The following STX8 variants were observed in gnomAD, a reference collection of about 807,000 sequenced individuals.
The protein encoded by STX8 is syntaxin 8.
Under a neutral mutation model 37.5 loss-of-function variants are expected in STX8, and 23 were observed. The ratio of observed to expected loss-of-function variants is 0.61; its 90% CI spans 0.44 to 0.87. The LOEUF is 0.87. Ranked by LOEUF, STX8 falls within the 40% of genes least tolerant of loss-of-function variation. The probability of loss-of-function intolerance (pLI) is 0.00; values close to 1 mark genes in which losing one functional copy is unlikely to be tolerated. For synonymous variants in STX8, 115 were observed against 99.1 expected (o/e 1.16, Z -0.95); for missense variants, 313 against 284.7 (o/e 1.10, Z -0.71).
In STX8 at chr17:9,450,224, C is replaced by T. The variant is rs1014398328; in HGVS notation, c.541+41605G>A. Among the ~76,000 whole-genome samples the T allele has an allele frequency of 1.0e-4, 15 of 150,428 alleles. 1 individual carries two copies. Among genetic ancestry groups the T allele is most frequent in the South Asian group, 6.3e-4 (3 of 4,738 alleles). On this transcript the variant is annotated intron_variant, in intron 6 of 7. Transcript: ENST00000306357. Reference sequence around the variant, plus strand: ...CCTAGTAGCTGGGAAAACAGGTATGCGCCACCACGCCCGGCTAATTTTTGT... The same window carrying T: ...CCTAGTAGCTGGGAAAACAGGTATGTGCCACCACGCCCGGCTAATTTTTGT...
Position 9,488,326 on chromosome 17 carries a change from T to TA in STX8, c.541+3502dup, listed in dbSNP as rs370708789. Among the ~76,000 whole-genome samples, 554 of 149,180 alleles carry TA rather than the reference T, an allele frequency of 3.7e-3. 9 individuals carry two copies. Among genetic ancestry groups the TA allele is most frequent in the African/African-American group, 0.012 (503 of 40,634 alleles). On this transcript the variant is annotated intron_variant, in intron 6 of 7. Coordinates refer to ENST00000306357, the MANE Select transcript of STX8 (RefSeq NM_004853.3). ...GGGCAACAAGGGCGAAACTCTGTCT[T>TA]AAAAAAAAAAAAATTACTGTGGTAG...
At chr17:9,546,590 G>GTTTTTTTTTTTATTTTTT (rs745424722) in intron 3 of STX8, among the ~76,000 whole-genome samples, 1 of 62,218 alleles carries the variant, frequency 1.6e-5, no homozygotes, top group Non-Finnish European at 3.0e-5. Context: ...CTACAAAAGT[G>GTTTTTTTTTTTATTTTTT]GTTTTTTTTT....
intron 2 of STX8, among the ~76,000 whole-genome samples, chr17:9,560,586 C>A (rs1283193123): frequency 1.3e-5 from 2 of 152,092 alleles, no homozygotes; most frequent in Non-Finnish European, 2.9e-5. Flanking sequence ...ACATAGTTAA[C>A]TGTGCAATAA....
At chr17:9,273,983 G>A (rs549416166) in intron 7 of STX8, among the ~76,000 whole-genome samples, 2 of 152,332 alleles carry the variant, frequency 1.3e-5, no homozygotes, top group South Asian at 4.1e-4. Flanking sequence ...TATAAGATTA[G>A]AATAACTGAA....
At chr17:9,456,172 A>G (rs1905181419) in intron 6 of STX8, among the ~76,000 whole-genome samples, 1 of 151,942 alleles carries the variant, frequency 6.6e-6, no homozygotes, top group Admixed American at 6.6e-5. Flanking sequence ...GAGAATTCCT[A>G]TTTTCCCACG....
chr17:9,494,583 T>A (rs1907015879), intron 5 of STX8, among the ~76,000 whole-genome samples: 1 of 111,732 alleles, frequency 8.9e-6, no homozygotes. Context: ...GCCACTGCAC[T>A]CCAGCCTGGG....
intron 6 of STX8, among the ~76,000 whole-genome samples, chr17:9,398,665 CCT>C (rs1912495093): frequency 6.6e-6 from 1 of 152,028 alleles, no homozygotes; most frequent in Non-Finnish European, 1.5e-5. Flanking sequence ...ATACAGGAAC[CCT>C]CTGTACTATC....
At chr17:9,533,248 ACCGGAGTT>A (rs2142545406) in intron 4 of STX8, among the ~76,000 whole-genome samples, 1 of 152,318 alleles carries the variant, frequency 6.6e-6, no homozygotes, top group Non-Finnish European at 1.5e-5. Flanking sequence ...CAGGTGGATC[ACCGGAGTT>A]CAGGAGTTCA....
chr17:9,319,859 G>A lies in STX8; in HGVS notation c.643+58693C>T, dbSNP rs186161260. On this transcript the variant is annotated intron_variant, in intron 7 of 7. Transcript: ENST00000306357. ...CGAGCTACTCGGGAGGCTGAGACAG[G>A]AGAATCACTTGAACCCAGGGGGCAG... Among the ~76,000 whole-genome samples the A allele has an allele frequency of 4.3e-3, 647 of 151,978 alleles. 6 individuals are homozygous for A. The highest frequency in any genetic ancestry group is 0.015 in the African/African-American group (605 of 41,444).
At chr17:9,443,216 C>G (rs1051501051) in intron 6 of STX8, among the ~76,000 whole-genome samples, 7 of 152,194 alleles carry the variant, frequency 4.6e-5, no homozygotes, top group African/African-American at 1.7e-4. Context: ...GCAACCACCA[C>G]TATTCTTAGG....
At chr17:9,483,914 G>T (rs897550990) in intron 6 of STX8, among the ~76,000 whole-genome samples, 3 of 152,140 alleles carry the variant, frequency 2.0e-5, no homozygotes, top group African/African-American at 7.2e-5. Flanking sequence ...AAAAATAAGA[G>T]CCTGGCCCCC....
At chr17:9,574,357 AT>A (rs1426335831) in intron 1 of STX8, among the ~76,000 whole-genome samples, 1 of 150,670 alleles carries the variant, frequency 6.6e-6, no homozygotes, top group Non-Finnish European at 1.5e-5. Context: ...TATTATATAT[AT>A]ATATAAAAAT....
chr17:9,384,794 T>TTGTGTGTGTGTGTGTGTGTGTGTG (rs59655296), intron 6 of STX8, among the ~76,000 whole-genome samples: 145 of 147,746 alleles, frequency 9.8e-4, no homozygotes, highest in African/African-American at 3.0e-3. Flanking sequence ...CCAGATAGAC[T>TTGTGTGTGTGTGTGTGTGTGTGTG]TGTGTGTGTG....
chr17:9,430,649 CTTTTT>C (rs34803730), intron 6 of STX8, among the ~76,000 whole-genome samples: 4 of 120,898 alleles, frequency 3.3e-5, no homozygotes, highest in Admixed American at 8.8e-5. Context: ...GTGGTTTTGG[CTTTTT>C]TTTTTTTTTT....
chr17:9,454,683 A>G (rs1905137869), intron 6 of STX8, among the ~76,000 whole-genome samples: 1 of 149,012 alleles, frequency 6.7e-6, no homozygotes, highest in Non-Finnish European at 1.5e-5. Flanking sequence ...GTCTCAAAAA[A>G]AAAAAAACAA....
At chr17:9,251,538 A>G (rs78068712) in intron 7 of STX8, among the ~76,000 whole-genome samples, 29,960 of 152,158 alleles carry the variant, frequency 0.2, 2,999 homozygotes, top group African/African-American at 0.25. Flanking sequence ...GCCCCACGAG[A>G]GAGGTGGGTA....
At position 9,485,098 on chromosome 17, in the gene STX8, G is replaced by C. The variant is rs1034258523; in HGVS notation, c.541+6731C>G. ...AAGCCCAGGAATTCAAGTCCAGCCT[G>C]AGCAACATGCCAAGACCTTGTCGCT... On this transcript the variant is annotated intron_variant, in intron 6 of 7. Coordinates refer to ENST00000306357, the MANE Select transcript of STX8 (RefSeq NM_004853.3). Among the ~76,000 whole-genome samples the C allele has an allele frequency of 6.6e-5, 10 of 150,426 alleles. 1 individual carries two copies. The highest frequency in any genetic ancestry group is 1.3e-4 in the Admixed American group (2 of 14,904).
chr17:9,323,769 T>C (rs1232897133), intron 7 of STX8, among the ~76,000 whole-genome samples: 3 of 152,088 alleles, frequency 2.0e-5, no homozygotes, highest in African/African-American at 7.2e-5. Context: ...GTCTTGCTGA[T>C]AGAAGTGGAG....
chr17:9,369,942 C>T (rs150964864), intron 7 of STX8, among the ~76,000 whole-genome samples: 3,750 of 148,330 alleles, frequency 0.025, 173 homozygotes, highest in African/African-American at 0.088. Flanking sequence ...AAGCCAGGTG[C>T]GGTGGCTCAC....
Sources: gnomAD v4.1 joint callset for allele counts (sites outside exome capture counted in the v4.1 genomes callset) on GRCh38, gnomAD v4.1.1 for gene constraint, MANE v1.5 for transcripts, NCBI Gene and HGNC (gene_info 2026-07-23, HGNC 2026-07-21) for gene names.